Variants in BDP1 observed in about 807,000 individuals in gnomAD.
BDP1 encodes the protein BDP1 general transcription factor IIIB subunit, also known as transcription factor TFIIIB component B'' homolog.
A neutral mutation model predicts 266.6 loss-of-function variants in BDP1; 169 were observed. The observed-to-expected ratio is 0.63, with a 90% CI of 0.56 to 0.72. BDP1 has a LOEUF of 0.72. Among genes scored for constraint, BDP1 ranks in the 30% least tolerant of loss-of-function variants. The probability of loss-of-function intolerance (pLI) is 0.00; values close to 1 mark genes in which losing one functional copy is unlikely to be tolerated. For synonymous variants in BDP1, 1,090 were observed against 1,022.4 expected, an observed-to-expected ratio of 1.07 and a Z score of -1.26; for missense variants, 3,015 against 3,053.8, an observed-to-expected ratio of 0.99 and a Z score of 0.30.
chr5:71,530,830 C>G (rs1262955369), intron 25 of BDP1, among the ~76,000 whole-genome samples: 1 of 152,180 alleles, frequency 6.6e-6, no homozygotes, highest in Non-Finnish European at 1.5e-5. Context: ...ATAGTCCCAG[C>G]ACTTTGGGAA....
intron 25 of BDP1, among the ~76,000 whole-genome samples, chr5:71,531,439 C>T (rs1444971280): frequency 6.6e-6 from 1 of 152,030 alleles, no homozygotes; most frequent in African/African-American, 2.4e-5. Context: ...TATCAAGAAT[C>T]GTGCAGGCTT....
chr5:71,527,202 C>T (rs10434642), intron 25 of BDP1, among the ~76,000 whole-genome samples: 119,230 of 152,078 alleles, frequency 0.78, 47,379 homozygotes, highest in East Asian at 0.87. Context: ...ATTACAGGCA[C>T]GAGCTACTGC....
At chr5:71,504,431 A>T (rs1764451705) in intron 15 of BDP1, among the ~76,000 whole-genome samples, 190 bp from the exon 16 acceptor site, 2 of 152,216 alleles carry the variant, frequency 1.3e-5, no homozygotes, top group African/African-American at 2.4e-5. Flanking sequence ...GGGCTTTGAG[A>T]TATCCTAAAA....
chr5:71,470,924 G>T (rs996997204), intron 7 of BDP1, among the ~76,000 whole-genome samples: 2 of 147,970 alleles, frequency 1.4e-5, no homozygotes, highest in Non-Finnish European at 3.0e-5. Flanking sequence ...TGATGGTTTT[G>T]TTACATTTAT....
chr5:71,532,246 T>G, intron 25 of BDP1, 62 bp from the exon 26 acceptor site: 13 of 1,465,644 alleles, frequency 8.9e-6, no homozygotes, highest in African/African-American at 1.4e-5. Flanking sequence ...ATGTTGAAGA[T>G]GAGGCTTTGT....
At position 71,527,905 on chromosome 5, in the gene BDP1, A is replaced by G. The variant is rs553828260; in HGVS notation, c.5772+3582A>G. ...GCAATCTTGGCTCACTGTAACCTCC[A>G]TCTCCCAGGTTCAAGCAATTCTTCT... On this transcript the variant is annotated intron_variant, in intron 25 of 38. Coordinates refer to ENST00000358731, the MANE Select transcript of BDP1 (RefSeq NM_018429.3). Among the ~76,000 whole-genome samples, 177 of 149,442 alleles carry G rather than the reference A, an allele frequency of 1.2e-3. 3 individuals carry two copies. In the Admixed American group the frequency reaches 0.012, roughly 10 times the overall value.
chr5:71,572,468 C>T (rs1226013573), downstream of BDP1, among the ~76,000 whole-genome samples: 1 of 152,040 alleles, frequency 6.6e-6, no homozygotes, highest in Non-Finnish European at 1.5e-5. Flanking sequence ...GAATGGGGAC[C>T]CCGGGATGAG....
In BDP1 at chr5:71,522,768, C is replaced by T. The variant is rs1765571828; in HGVS notation, c.5206C>T (p.Leu1736Phe). 9 of 1,588,626 alleles carry T rather than the reference C, an allele frequency of 5.7e-6. No homozygotes were observed. Among genetic ancestry groups the T allele is most frequent in the Non-Finnish European group, 5.1e-6 (6 of 1,173,148 alleles). ...TCTTAAATTTAAGGAAAAAGCTGAG[C>T]TTCTGACATCTCTGGAGGTTTCAGC... Reference protein sequence around the residue: ...TQLLLKEKAELLTSLEVSARK... With the variant: ...TQLLLKEKAEFLTSLEVSARK... Residue 1736 changes from leucine (L) to phenylalanine (F), a missense_variant, in exon 24 of 39, where the codon CTT (leucine) becomes TTT (phenylalanine). Physicochemically the swap from Leu to Phe is conservative, Grantham distance 22. This residue lies in a region of BDP1 where 2,383 missense variants were observed against 2,404.9 expected (regional missense o/e 0.99). Transcript: ENST00000358731.
rs1003811517 is a variant in BDP1, at chr5:71,455,778, G to C, written c.-100G>C. 7 of 1,007,540 alleles carry C rather than the reference G, an allele frequency of 6.9e-6. No individual in the cohort carries two copies. The Admixed American group carries it at 1.9e-4, about 28-fold the overall frequency. 62.4% of individuals were successfully genotyped at this position (1,007,540 alleles called of 1,614,324 possible). A position where few individuals can be genotyped will look rare whatever the true frequency, so the allele number is the denominator to read the frequency against. ...CCCCCTGAGCTGGTGGTGTGGCTTTGTGGGGAGGGCGTAGTTCCTAATCCC... is the reference window on the plus strand; with the variant it reads ...CCCCCTGAGCTGGTGGTGTGGCTTTCTGGGGAGGGCGTAGTTCCTAATCCC... On this transcript the variant is annotated 5_prime_UTR_variant, in exon 1 of 39. Transcript: ENST00000358731.
chr5:71,483,774 T>TA (rs1763098656), intron 7 of BDP1, 68 bp from the exon 8 acceptor site: 2 of 1,117,072 alleles, frequency 1.8e-6, no homozygotes, highest in Admixed American at 3.6e-5. Context: ...TTTTAATGCT[T>TA]ACTGCATTTA....
rs1765147600 is a variant in BDP1, at chr5:71,515,010, A to G, written c.4537A>G (p.Ile1513Val). The change falls in exon 20 of 39, where the codon ATA becomes GTA. Residue 1513 changes from isoleucine to valine, a missense_variant. By Grantham distance (29) the Ile-to-Val change is conservative. Around this residue, in one of 3 missense-constraint regions of BDP1, gnomAD observed 2,383 missense variants for 2,404.9 expected, o/e 0.99. Coordinates refer to ENST00000358731, the MANE Select transcript of BDP1 (RefSeq NM_018429.3). ...TLGHRNEEAVILPCTQTERNL... is the reference protein window; with the variant it reads ...TLGHRNEEAVVLPCTQTERNL... Reference sequence around the variant, plus strand: ...AGGTCACAGGAATGAGGAGGCTGTGATATTGCCATGTACACAGACTGAAAG... The same window carrying G: ...AGGTCACAGGAATGAGGAGGCTGTGGTATTGCCATGTACACAGACTGAAAG... The G allele has an allele frequency of 8.7e-6, 14 of 1,613,160 alleles. No homozygotes were observed. Among genetic ancestry groups the G allele is most frequent in the Non-Finnish European group, 1.2e-5 (14 of 1,179,520 alleles).
chr5:71,570,538 T>C (rs551630241), downstream of BDP1, among the ~76,000 whole-genome samples: 1 of 152,358 alleles, frequency 6.6e-6, no homozygotes, highest in South Asian at 2.1e-4. Flanking sequence ...TGCAACACTT[T>C]AGAAGGCTGT....
At chr5:71,577,746 G>A in the BDP1 span, among the ~76,000 whole-genome samples, 1 of 152,106 alleles carries the variant, frequency 6.6e-6, no homozygotes, top group Admixed American at 6.5e-5. Flanking sequence ...GTCAACCCTT[G>A]GACCTATCTA....
chr5:71,462,746 C>T (rs1283416557), intron 3 of BDP1, among the ~76,000 whole-genome samples: 3 of 151,822 alleles, frequency 2.0e-5, no homozygotes, highest in East Asian at 3.9e-4. Context: ...GGTGACAGAG[C>T]GAGATCCTGT....
intron 10 of BDP1, among the ~76,000 whole-genome samples, chr5:71,490,571 C>G (rs1304664231): frequency 6.6e-6 from 1 of 152,092 alleles, no homozygotes; most frequent in East Asian, 1.9e-4. Flanking sequence ...AGGATTGTTT[C>G]AAGTATTAAA....
At chr5:71,542,518 T>TTC (rs1189674336) in intron 30 of BDP1, among the ~76,000 whole-genome samples, 1 of 151,894 alleles carries the variant, frequency 6.6e-6, no homozygotes, top group Non-Finnish European at 1.5e-5. Context: ...CTTTCTCTCA[T>TTC]TCTCTCTCTC....
Position 71,513,371 on chromosome 5 carries a change from A to G in BDP1, c.4434A>G (p.Glu1478=). ...AAATGGAGACTATTGTGATGCAAGA[A>G]AATAATGAACAAACTGATACTCTCC... ...TKKMETIVMQ[E]NNEQTDTLPS... is the part of the protein sequence containing the mutation. Residue 1478 remains glutamate, a synonymous_variant, in exon 19 of 39, where the codon GAA becomes GAG. Transcript: ENST00000358731. 6.3e-7 allele frequency: 1 copy of G among 1,597,008 alleles called. No individual in the cohort carries two copies. The highest frequency in any genetic ancestry group is 8.5e-7 in the Non-Finnish European group (1 of 1,171,992).
At chr5:71,539,733 C>A (rs1010281414) in intron 28 of BDP1, 84 bp downstream of exon 28, 3 of 827,374 alleles carry the variant, frequency 3.6e-6, no homozygotes, top group Non-Finnish European at 5.7e-6. Flanking sequence ...GAGTAATAAC[C>A]CTTTTACCTT....
chr5:71,544,335 G>T, intron 30 of BDP1, 22 bp from the exon 31 acceptor site: 1 of 1,603,322 alleles, frequency 6.2e-7, no homozygotes. Flanking sequence ...GGTCTATATC[G>T]TAAGTGTGCT....
Sources: gnomAD v4.1 joint callset for allele counts (sites outside exome capture counted in the v4.1 genomes callset) on GRCh38, gnomAD v4.1.1 for gene constraint, gnomAD v4.1.1 regional missense constraint, MANE v1.5 for transcripts, NCBI Gene and HGNC (gene_info 2026-07-23, HGNC 2026-07-21) for gene names.